The following RBFOX1 variants were observed in gnomAD, a reference collection of about 807,000 sequenced individuals.
The protein encoded by RBFOX1 is RNA binding fox-1 homolog 1.
A neutral mutation model predicts 57.7 loss-of-function variants in RBFOX1; 8 were observed. That is an observed-to-expected ratio of 0.14 (90% CI 0.08 to 0.25). The LOEUF (loss-of-function observed/expected upper bound fraction) is 0.25, where lower values mean the gene tolerates loss of function less well. Ranked by LOEUF, RBFOX1 falls within the 10% of genes least tolerant of loss-of-function variation. The pLI is 1.00. For missense variants in RBFOX1, 611 were observed against 548.5 expected, an observed-to-expected ratio of 1.11 and a Z score of -1.14; for synonymous variants, 326 against 222.4, an observed-to-expected ratio of 1.47 and a Z score of -4.15.
chr16:7,318,246 TGGTGATGGC>T (rs2096481714), intron 4 of RBFOX1, among the ~76,000 whole-genome samples: 1 of 151,594 alleles, frequency 6.6e-6, no homozygotes, highest in Non-Finnish European at 1.5e-5. Flanking sequence ...GTTGGGATAG[TGGTGATGGC>T]AGTGATGGTG....
intron 1 of RBFOX1, among the ~76,000 whole-genome samples, chr16:6,180,197 T>C (rs2097051669): frequency 6.6e-6 from 1 of 152,158 alleles, no homozygotes; most frequent in African/African-American, 2.4e-5. Context: ...GAGGTGTTAG[T>C]AATAATTCTT....
chr16:6,829,475 A>C lies in RBFOX1; in HGVS notation c.-16+174825A>C, dbSNP rs1451153981. Among the ~76,000 whole-genome samples, 6 of 117,814 alleles carry C rather than the reference A, an allele frequency of 5.1e-5. No homozygotes were observed. The South Asian group carries it at 1.7e-3, about 33-fold the overall frequency. The allele number at this position is 117,814 out of a possible 152,430, so 77.3% of individuals were successfully genotyped here. A position where few individuals can be genotyped will look rare whatever the true frequency, so the allele number is the denominator to read the frequency against. Reference sequence around the variant, plus strand: ...CTGTCCATGCAATGAAATACCACTCAACCATTAAAAAAAAAAAAAACAAAA... The same window carrying C: ...CTGTCCATGCAATGAAATACCACTCCACCATTAAAAAAAAAAAAAACAAAA... On this transcript the variant is annotated intron_variant, in intron 3 of 15. Transcript: ENST00000550418.
At chr16:6,013,645 C>T (rs1267084735) in intron 4 of RBFOX1, among the ~76,000 whole-genome samples, 1 of 152,188 alleles carries the variant, frequency 6.6e-6, no homozygotes, top group Non-Finnish European at 1.5e-5. Flanking sequence ...TTGGGCAAGA[C>T]ACTGAATTTC....
chr16:5,479,370 T>C (rs2069441873), intron 2 of RBFOX1, among the ~76,000 whole-genome samples: 1 of 152,182 alleles, frequency 6.6e-6, no homozygotes. Context: ...CTAGGAGAGA[T>C]TAGAGATGGG....
chr16:6,814,901 C>T (rs1019785899), intron 3 of RBFOX1, among the ~76,000 whole-genome samples: 2 of 151,928 alleles, frequency 1.3e-5, no homozygotes, highest in African/African-American at 4.8e-5. Flanking sequence ...TGGGGCGAGT[C>T]CATAGAGTAA....
intron 1 of RBFOX1, among the ~76,000 whole-genome samples, chr16:6,100,842 T>A (rs184778929): frequency 6.6e-5 from 10 of 152,310 alleles, no homozygotes; most frequent in Admixed American, 2.0e-4. Context: ...ACTGTTACCA[T>A]CACCCTCTTA....
chr16:6,780,326 T>TATACATATTTATAG lies in RBFOX1; in HGVS notation c.-16+125679_-16+125680insCATATTTATAGATA, dbSNP rs1238425543. 1.6e-3 allele frequency among the ~76,000 whole-genome samples: 137 copies of TATACATATTTATAG among 85,460 alleles called. 11 individuals are homozygous for TATACATATTTATAG. Among genetic ancestry groups the TATACATATTTATAG allele is most frequent in the East Asian group, 3.9e-3 (7 of 1,802 alleles). 56.1% of individuals were successfully genotyped at this position (85,460 alleles called of 152,430 possible). ...ACATATATATATTTATTCATATTTA[T>TATACATATTTATAG]ATATATTTATACATATTTATATACA... On this transcript the variant is annotated intron_variant, in intron 3 of 15. Transcript: ENST00000550418.
At chr16:5,604,742 C>T (rs1478929960), downstream of RBFOX1, among the ~76,000 whole-genome samples, 1 of 152,128 alleles carries the variant, frequency 6.6e-6, no homozygotes, top group Non-Finnish European at 1.5e-5. Context: ...AAGTGTGCTG[C>T]TATTTCTCTC....
intron 4 of RBFOX1, among the ~76,000 whole-genome samples, chr16:7,101,098 C>G (rs963061106): frequency 8.5e-5 from 13 of 152,188 alleles, no homozygotes; most frequent in African/African-American, 2.7e-4. Context: ...AGCTAGTATT[C>G]TCATGCTATG....
At chr16:5,636,130 C>G (rs2048675971) in intron 3 of RBFOX1, among the ~76,000 whole-genome samples, 1 of 152,090 alleles carries the variant, frequency 6.6e-6, no homozygotes, top group African/African-American at 2.4e-5. Context: ...GGTGGATCAC[C>G]TGAGGTCAGG....
intron 4 of RBFOX1, among the ~76,000 whole-genome samples, chr16:7,109,628 T>C (rs2064276115): frequency 6.6e-6 from 1 of 152,114 alleles, no homozygotes; most frequent in African/African-American, 2.4e-5. Context: ...GGGAAAGGGC[T>C]CTAAGAGTAG....
At chr16:7,006,799 A>C (rs28571727) in intron 3 of RBFOX1, among the ~76,000 whole-genome samples, 21,426 of 152,152 alleles carry the variant, frequency 0.14, 2,686 homozygotes, top group African/African-American at 0.31. Context: ...ACACTTAGCA[A>C]AGTTAAGTCA....
At chr16:7,334,605 G>A (rs767441574) in intron 4 of RBFOX1, among the ~76,000 whole-genome samples, 2 of 152,220 alleles carry the variant, frequency 1.3e-5, no homozygotes, top group South Asian at 2.1e-4. Flanking sequence ...GAAAAATAAC[G>A]GCACCCACTG....
At chr16:5,908,879 G>A (rs1462435981) in intron 4 of RBFOX1, among the ~76,000 whole-genome samples, 1 of 151,940 alleles carries the variant, frequency 6.6e-6, no homozygotes, top group East Asian at 1.9e-4. Context: ...CCTTATAGAA[G>A]AGGTCACAGA....
Position 5,940,504 on chromosome 16 carries a change from A to C in RBFOX1, c.351+73169A>C, listed in dbSNP as rs58359429. Among the ~76,000 whole-genome samples the C allele has an allele frequency of 2.4e-3, 366 of 152,314 alleles. 5 individuals are homozygous for C. The highest frequency in any genetic ancestry group is 8.5e-3 in the African/African-American group (355 of 41,570). ...GGAATGTCAGACTGAGCCCAGATCT[A>C]TGGGGATATTAAGATCCTCACAGGG... On this transcript the variant is annotated intron_variant, in intron 4 of 19. Transcript: ENST00000641259.
At position 6,346,434 on chromosome 16, in the gene RBFOX1, C is replaced by T. The variant is rs535071696; in HGVS notation, c.-64+29377C>T. ...CTGTAACAGGTTGCTGAGTCTCAGC[C>T]AATCACGGCAGCTCAGCTTCAGATA... On this transcript the variant is annotated intron_variant, in intron 2 of 15. Coordinates refer to ENST00000550418, the MANE Select transcript of RBFOX1 (RefSeq NM_018723.4). Among the ~76,000 whole-genome samples the T allele has an allele frequency of 9.0e-4, 137 of 152,264 alleles. 2 individuals are homozygous for T. Among genetic ancestry groups the T allele is most frequent in the African/African-American group, 3.2e-3 (133 of 41,558 alleles).
chr16:7,472,185 T>C (rs533438915), intron 4 of RBFOX1, among the ~76,000 whole-genome samples: 1 of 152,212 alleles, frequency 6.6e-6, no homozygotes, highest in East Asian at 1.9e-4. Context: ...AGCTTCTCTT[T>C]TAAGAGATAG....
intron 3 of RBFOX1, among the ~76,000 whole-genome samples, chr16:6,869,370 A>C (rs1301932918): frequency 6.6e-6 from 1 of 152,150 alleles, no homozygotes; most frequent in Non-Finnish European, 1.5e-5. Flanking sequence ...AGTTGTAGGT[A>C]GAGAAAGAGT....
intron 1 of RBFOX1, among the ~76,000 whole-genome samples, chr16:5,242,380 C>A (rs143183534): frequency 1.2e-3 from 181 of 152,244 alleles, no homozygotes; most frequent in African/African-American, 4.2e-3. Context: ...CTGCTCAGTC[C>A]GGCGGCCCCT....
Sources: gnomAD v4.1 joint callset for allele counts (sites outside exome capture counted in the v4.1 genomes callset) on GRCh38, gnomAD v4.1.1 for gene constraint, MANE v1.5 for transcripts, NCBI Gene and HGNC (gene_info 2026-07-23, HGNC 2026-07-21) for gene names.